Variants in MYO5A observed in about 807,000 individuals in gnomAD.
MYO5A encodes the protein myosin VA, also known as unconventional myosin-Va.
A neutral mutation model predicts 249.7 loss-of-function variants in MYO5A; 98 were observed. That is an observed-to-expected ratio of 0.39 (90% CI 0.33 to 0.46). The LOEUF (loss-of-function observed/expected upper bound fraction) is 0.46, where lower values mean the gene tolerates loss of function less well. Among genes scored for constraint, MYO5A ranks in the 20% least tolerant of loss-of-function variants. The pLI is 0.98. For synonymous variants in MYO5A, 778 were observed against 810.6 expected (o/e 0.96, Z 0.68); for missense variants, 1,696 against 2,308.8 (o/e 0.73, Z 5.44).
At position 52,476,891 on chromosome 15, in the gene MYO5A, G is replaced by A. The variant is rs561037474; in HGVS notation, c.28-43606C>T. Reference sequence around the variant, plus strand: ...GTGTCTTGGGGTTGTTCTTCTCAAGGAGTATCTTTGTGGTGTTCTCTGTAT... The same window carrying A: ...GTGTCTTGGGGTTGTTCTTCTCAAGAAGTATCTTTGTGGTGTTCTCTGTAT... On this transcript the variant is annotated intron_variant, in intron 1 of 41. Coordinates refer to ENST00000399233, the MANE Select transcript of MYO5A (RefSeq NM_001382347.1). Among the ~76,000 whole-genome samples, 3 of 152,212 alleles carry A rather than the reference G, an allele frequency of 2.0e-5. No individual in the cohort carries two copies. In the East Asian group the frequency reaches 5.8e-4, roughly 29 times the overall value.
intron 1 of MYO5A, among the ~76,000 whole-genome samples, chr15:52,485,896 C>CTAGCTA (rs2076810229): frequency 6.6e-6 from 1 of 152,062 alleles, no homozygotes; most frequent in Non-Finnish European, 1.5e-5. Flanking sequence ...ATAGTAAATC[C>CTAGCTA]TTTAGGCGAA....
chr15:52,433,329 T>C (rs187883042), intron 1 of MYO5A, 44 bp from the exon 2 acceptor site: 3 of 1,151,886 alleles, frequency 2.6e-6, no homozygotes, highest in African/African-American at 1.5e-5. Flanking sequence ...AAATCAATTA[T>C]TTTACAATCA....
chr15:52,485,278 AAC>A (rs1387303869), intron 1 of MYO5A, among the ~76,000 whole-genome samples: 4,622 of 148,266 alleles, frequency 0.031, 231 homozygotes, highest in African/African-American at 0.11. Context: ...AAAAAAAAAA[AAC>A]AAGACTGTCA....
intron 11 of MYO5A, among the ~76,000 whole-genome samples, chr15:52,395,127 C>T (rs901633352): frequency 6.6e-6 from 1 of 152,130 alleles, no homozygotes; most frequent in East Asian, 1.9e-4. Flanking sequence ...CTGGAGGCAA[C>T]CATTTTTAAT....
chr15:52,360,974 C>T (rs556512991), intron 24 of MYO5A, among the ~76,000 whole-genome samples: 2 of 152,274 alleles, frequency 1.3e-5, no homozygotes, highest in Admixed American at 1.3e-4. Flanking sequence ...TTCTTTGTAC[C>T]TTTCCCCAGC....
In MYO5A at chr15:52,364,672, G is replaced by A. The variant is rs539375837; in HGVS notation, c.3191C>T (p.Thr1064Met). 57 of 1,613,568 alleles carry A rather than the reference G, an allele frequency of 3.5e-5. No homozygotes were observed. Among genetic ancestry groups the A allele is most frequent in the South Asian group, 3.0e-4 (27 of 91,068 alleles). The change falls in exon 24 of 42, where the codon ACG becomes ATG. Residue 1064 changes from threonine to methionine, a missense_variant. Coordinates refer to ENST00000399233, the MANE Select transcript of MYO5A (RefSeq NM_001382347.1). ...ETMEKKLVEE[T>M]KQLELDLNDE... ...ATTAAGGTCGAGTTCCAGTTGTTTC[G>A]TTTCTTCTACTAACTTCTTCTCCAT...
intron 1 of MYO5A, among the ~76,000 whole-genome samples, chr15:52,434,461 T>C (rs1316326714): frequency 6.6e-6 from 1 of 152,154 alleles, no homozygotes; most frequent in East Asian, 1.9e-4. Flanking sequence ...TTTGCCTTCA[T>C]TATTTTATAA....
chr15:52,502,258 A>G (rs2077174743), intron 1 of MYO5A, among the ~76,000 whole-genome samples: 1 of 152,072 alleles, frequency 6.6e-6, no homozygotes, highest in Admixed American at 6.6e-5. Flanking sequence ...ACTCCAGCCT[A>G]TGCAACAGAG....
At chr15:52,329,794 A>T (rs187385072) in intron 35 of MYO5A, among the ~76,000 whole-genome samples, 7 of 152,068 alleles carry the variant, frequency 4.6e-5, no homozygotes, top group African/African-American at 1.7e-4. Flanking sequence ...GGTGGAGTGC[A>T]GTGGTATAAT....
chr15:52,309,408 A>C lies in MYO5A; in HGVS notation c.*4288T>G, dbSNP rs2037710763. The C allele has an allele frequency of 6.6e-6, 1 of 152,202 alleles. No homozygotes were observed. 9.4% of individuals were successfully genotyped at this position (152,202 alleles called of 1,614,324 possible). On this transcript the variant is annotated 3_prime_UTR_variant, in exon 42 of 42. Coordinates refer to ENST00000399233, the MANE Select transcript of MYO5A (RefSeq NM_001382347.1). ...CTCGGTTCCCACATGCCAGCTGCCA[A>C]CTCTGATAAAAAAGCACCCCTTGCT... is the stretch of plus-strand genomic sequence containing the variant.
In MYO5A at chr15:52,407,978, C is replaced by G. The variant is rs1450078829; in HGVS notation, c.838+81G>C. 3 of 957,882 alleles carry G rather than the reference C, an allele frequency of 3.1e-6. No homozygotes were observed. The South Asian group carries it at 4.0e-5, about 13-fold the overall frequency. The allele number at this position is 957,882 out of a possible 1,614,324, so 59.3% of individuals were successfully genotyped here. A position where few individuals can be genotyped will look rare whatever the true frequency, so the allele number is the denominator to read the frequency against. ...TAAGTATTCCAACATGAGATAAGCT[C>G]CTTTTTAACAAGTAAATTTAGGAAC... On this transcript the variant is annotated intron_variant, in intron 7 of 41. Coordinates refer to ENST00000399233, the MANE Select transcript of MYO5A (RefSeq NM_001382347.1).
chr15:52,408,589 T>C (rs989821531), intron 6 of MYO5A, among the ~76,000 whole-genome samples: 1 of 152,220 alleles, frequency 6.6e-6, no homozygotes, highest in Admixed American at 6.5e-5. Flanking sequence ...TGTAGGAAAG[T>C]CACAAATGTA....
intron 1 of MYO5A, among the ~76,000 whole-genome samples, chr15:52,526,364 T>TTCTA (rs1555391046): frequency 2.6e-5 from 4 of 151,898 alleles, no homozygotes; most frequent in African/African-American, 9.7e-5. Flanking sequence ...CCCAGCTAAT[T>TTCTA]TTTATTTATT....
At chr15:52,519,340 T>A (rs1291567322) in intron 1 of MYO5A, among the ~76,000 whole-genome samples, 1 of 152,178 alleles carries the variant, frequency 6.6e-6, no homozygotes, top group African/African-American at 2.4e-5. Flanking sequence ...TGGCCGGGCA[T>A]GGTAGCTCCC....
chr15:52,438,327 A>G (rs954898225), intron 1 of MYO5A, among the ~76,000 whole-genome samples: 1 of 152,192 alleles, frequency 6.6e-6, no homozygotes, highest in African/African-American at 2.4e-5. Flanking sequence ...GAACCTAGAA[A>G]TGGGACACAG....
At position 52,309,552 on chromosome 15, in the gene MYO5A, CAGA is replaced by C. The variant is rs2037714263; in HGVS notation, c.*4141_*4143del. On this transcript the variant is annotated 3_prime_UTR_variant, in exon 42 of 42. Coordinates refer to ENST00000399233, the MANE Select transcript of MYO5A (RefSeq NM_001382347.1). ...GCTCCATATGGGAAAGCAGGACAGC[CAGA>C]GGGCTGTGCGACATCAGGCAAGTCA... 1 of 152,072 alleles carries C rather than the reference CAGA, an allele frequency of 6.6e-6. No homozygotes were observed. The highest frequency in any genetic ancestry group is 1.5e-5 in the Non-Finnish European group (1 of 68,024). 9.4% of individuals were successfully genotyped at this position (152,072 alleles called of 1,614,324 possible).
intron 4 of MYO5A, among the ~76,000 whole-genome samples, chr15:52,423,653 T>C (rs1307668373): frequency 6.6e-6 from 1 of 152,190 alleles, no homozygotes; most frequent in Non-Finnish European, 1.5e-5. Flanking sequence ...CTGTGGCAGA[T>C]GTTATGGGTA....
At chr15:52,499,260 T>C (rs1002605579) in intron 1 of MYO5A, among the ~76,000 whole-genome samples, 2 of 152,228 alleles carry the variant, frequency 1.3e-5, no homozygotes, top group African/African-American at 4.8e-5. Context: ...GCAAAGAGGA[T>C]GGCCAAGAAA....
intron 40 of MYO5A, among the ~76,000 whole-genome samples, chr15:52,316,762 G>A (rs1357626205): frequency 6.6e-6 from 1 of 152,210 alleles, no homozygotes; most frequent in East Asian, 1.9e-4. Flanking sequence ...CAGAGACTTT[G>A]TTTTGCCTAT....
Sources: gnomAD v4.1 joint callset for allele counts (sites outside exome capture counted in the v4.1 genomes callset) on GRCh38, gnomAD v4.1.1 for gene constraint, MANE v1.5 for transcripts, NCBI Gene and HGNC (gene_info 2026-07-23, HGNC 2026-07-21) for gene names.